C1orf105: variants seen among roughly 807,000 people sequenced by gnomAD.
The protein encoded by C1orf105 is chromosome 1 open reading frame 105.
A neutral mutation model predicts 20.8 loss-of-function variants in C1orf105; 17 were observed. The ratio of observed to expected loss-of-function variants is 0.82; its 90% CI spans 0.56 to 1.23. C1orf105 has a LOEUF of 1.23. C1orf105 is among the 50% of genes most tolerant of loss of function. The probability of loss-of-function intolerance (pLI) is 0.00; values close to 1 mark genes in which losing one functional copy is unlikely to be tolerated. For synonymous variants in C1orf105, 72 were observed against 72.1 expected (o/e 1.00, Z 0.01); for missense variants, 219 against 213.5 (o/e 1.03, Z -0.16).
chr1:172,448,627 T>G, intron 3 of C1orf105, 96 bp downstream of exon 3: 1 of 718,876 alleles, frequency 1.4e-6, no homozygotes, highest in South Asian at 1.6e-5. Context: ...AGCCCTGTGC[T>G]TGGTACACCA....
intron 3 of C1orf105, among the ~76,000 whole-genome samples, chr1:172,450,553 A>G (rs372283258): frequency 6.6e-6 from 1 of 152,216 alleles, no homozygotes; most frequent in Non-Finnish European, 1.5e-5. Flanking sequence ...CTCTTCCTTC[A>G]TTCTCTAAAT....
chr1:172,432,477 C>T (rs2071903139), intron 1 of C1orf105, among the ~76,000 whole-genome samples: 1 of 152,218 alleles, frequency 6.6e-6, no homozygotes, highest in African/African-American at 2.4e-5. Context: ...CAAACAGGGT[C>T]TGGAGTGGAC....
chr1:172,441,589 G>A, intron 1 of C1orf105: 2 of 732,230 alleles, frequency 2.7e-6, no homozygotes, highest in East Asian at 5.4e-5. Context: ...CAAGCCTTTG[G>A]TTCATTTTTT....
chr1:172,463,553 A>G (rs1322539303), intron 5 of C1orf105, among the ~76,000 whole-genome samples: 1 of 152,204 alleles, frequency 6.6e-6, no homozygotes, highest in Non-Finnish European at 1.5e-5. Flanking sequence ...CTACATTTTT[A>G]AAGAGCTCTT....
rs984754145 is a variant in C1orf105, at chr1:172,456,043, A to G, written c.199-372A>G. Among the ~76,000 whole-genome samples the G allele has an allele frequency of 2.0e-5, 3 of 152,186 alleles. No homozygotes were observed. In the East Asian group the frequency reaches 5.8e-4, roughly 29 times the overall value. ...GGAGCCTTTTTATGAAATGGAAAAA[A>G]TGGCCCACCTATAGGAGAATGCAAC... On this transcript the variant is annotated intron_variant, in intron 3 of 6. Transcript: ENST00000367727.
intron 1 of C1orf105, chr1:172,442,857 C>T: frequency 2.1e-6 from 1 of 481,590 alleles, no homozygotes; most frequent in Non-Finnish European, 3.8e-6. Flanking sequence ...TGTGAACCTA[C>T]GAAAGTTGTG....
chr1:172,428,009 T>G (rs1186224831), intron 1 of C1orf105, among the ~76,000 whole-genome samples: 2 of 152,092 alleles, frequency 1.3e-5, no homozygotes, highest in Non-Finnish European at 2.9e-5. Flanking sequence ...CAAACTAAAC[T>G]CCTAATCTTC....
At chr1:172,443,999 T>C in intron 1 of C1orf105, 2 of 1,000,278 alleles carry the variant, frequency 2.0e-6, no homozygotes, top group Non-Finnish European at 2.4e-6. Context: ...CGAGAGTTCC[T>C]AGGGTTGCGC....
chr1:172,438,126 GAAA>G (rs59822239), intron 1 of C1orf105, among the ~76,000 whole-genome samples: 96 of 148,664 alleles, frequency 6.5e-4, no homozygotes, highest in Non-Finnish European at 1.1e-3. Context: ...CTACTGCTCA[GAAA>G]AAAAAAAGAT....
At chr1:172,431,589 A>G (rs2071875360) in intron 1 of C1orf105, among the ~76,000 whole-genome samples, 1 of 152,238 alleles carries the variant, frequency 6.6e-6, no homozygotes, top group South Asian at 2.1e-4. Flanking sequence ...TATCCAGAAG[A>G]TCTAGCTAAG....
chr1:172,427,494 A>G, intron 1 of C1orf105, among the ~76,000 whole-genome samples: 1 of 152,210 alleles, frequency 6.6e-6, no homozygotes, highest in East Asian at 1.9e-4. Context: ...CTTTGAAGCA[A>G]AACTATAAAG....
At chr1:172,430,922 G>GC (rs2071855433) in intron 1 of C1orf105, among the ~76,000 whole-genome samples, 1 of 152,070 alleles carries the variant, frequency 6.6e-6, no homozygotes. Flanking sequence ...AGTGATCTTT[G>GC]ATGTTACCAT....
chr1:172,455,156 T>C (rs1392230504), intron 3 of C1orf105, among the ~76,000 whole-genome samples: 1 of 152,306 alleles, frequency 6.6e-6, no homozygotes, highest in Non-Finnish European at 1.5e-5. Context: ...ATGAAGTGTA[T>C]TTTAAATGTT....
chr1:172,428,787 TTTACAGATATA>T (rs1303492473), intron 1 of C1orf105: 1 of 698,310 alleles, frequency 1.4e-6, no homozygotes, highest in Non-Finnish European at 2.6e-6. Flanking sequence ...GTCCTTTTTA[TTTACAGATATA>T]TTCCAAGCAC....
intron 1 of C1orf105, among the ~76,000 whole-genome samples, chr1:172,423,563 C>T (rs2071645750): frequency 6.6e-6 from 1 of 152,084 alleles, no homozygotes; most frequent in South Asian, 2.1e-4. Flanking sequence ...CACTAACAAG[C>T]ATCCACAAGC....
chr1:172,453,060 T>A, intron 3 of C1orf105: 1 of 1,550,584 alleles, frequency 6.4e-7, no homozygotes, highest in Non-Finnish European at 8.7e-7. Flanking sequence ...GCGTCTCAAA[T>A]GTTTGCGTCG....
chr1:172,429,678 T>C (rs1006101892), intron 1 of C1orf105, among the ~76,000 whole-genome samples: 1 of 152,184 alleles, frequency 6.6e-6, no homozygotes, highest in Non-Finnish European at 1.5e-5. Flanking sequence ...AAATCCACAA[T>C]GTAACCCAGC....
At chr1:172,452,638 G>A (rs1648779265) in intron 3 of C1orf105, among the ~76,000 whole-genome samples, 1 of 152,250 alleles carries the variant, frequency 6.6e-6, no homozygotes, top group Admixed American at 6.5e-5. Flanking sequence ...CCATGAGTCA[G>A]CCCTTAGACA....
intron 3 of C1orf105, chr1:172,452,921 G>T: frequency 6.6e-7 from 1 of 1,509,990 alleles, no homozygotes. Context: ...TCCTGTTATT[G>T]CTGCTGAGCT....
Sources: allele counts gnomAD v4.1 joint callset (sites outside exome capture counted in the v4.1 genomes callset), GRCh38; gene constraint gnomAD v4.1.1; transcripts MANE v1.5; gene names NCBI Gene and HGNC (gene_info 2026-07-23, HGNC 2026-07-21).